Variants in GPC6 observed in about 807,000 individuals in gnomAD.
The protein encoded by GPC6 is glypican 6, also known as glypican-6.
In GPC6, 14 loss-of-function variants were observed where a neutral mutation model predicts 55.2. The ratio of observed to expected loss-of-function variants is 0.25; its 90% CI spans 0.17 to 0.40. GPC6 has a LOEUF of 0.40. Among genes scored for constraint, GPC6 ranks in the 10% least tolerant of loss-of-function variants. GPC6 has a pLI of 1.00. For missense variants in GPC6, 641 were observed against 708.5 expected (o/e 0.90, Z 1.08); for synonymous variants, 278 against 259.6 (o/e 1.07, Z -0.68).
intron 1 of GPC6, among the ~76,000 whole-genome samples, chr13:93,480,818 A>T (rs1443457522): frequency 6.6e-6 from 1 of 152,176 alleles, no homozygotes; most frequent in East Asian, 1.9e-4. Context: ...TTGTGTGAAC[A>T]TGCCACTTTT....
chr13:93,631,301 G>T (rs1230445015), intron 2 of GPC6, among the ~76,000 whole-genome samples: 2 of 152,092 alleles, frequency 1.3e-5, no homozygotes, highest in Non-Finnish European at 2.9e-5. Flanking sequence ...GAACTTCTGT[G>T]GCTCTACCCC....
At chr13:94,204,218 ATACTT>A (rs1480769594) in intron 4 of GPC6, among the ~76,000 whole-genome samples, 1 of 152,166 alleles carries the variant, frequency 6.6e-6, no homozygotes, top group East Asian at 1.9e-4. Flanking sequence ...TAATACATAA[ATACTT>A]TAAGCTGATA....
chr13:93,382,809 GT>G (rs1398306380), intron 1 of GPC6, among the ~76,000 whole-genome samples: 1 of 152,086 alleles, frequency 6.6e-6, no homozygotes. Flanking sequence ...AATCTTTGGG[GT>G]TATCTCATTT....
intron 2 of GPC6, among the ~76,000 whole-genome samples, chr13:93,762,695 TA>T (rs1302946041): frequency 6.6e-6 from 1 of 152,176 alleles, no homozygotes; most frequent in African/African-American, 2.4e-5. Context: ...TTATGCAAAT[TA>T]AAAAATGACC....
At chr13:93,238,029 G>A (rs1410484779) in intron 1 of GPC6, among the ~76,000 whole-genome samples, 2 of 152,062 alleles carry the variant, frequency 1.3e-5, no homozygotes, top group African/African-American at 4.8e-5. Context: ...TTTTTGCTTA[G>A]GATTGCTTTG....
intron 4 of GPC6, among the ~76,000 whole-genome samples, chr13:94,102,014 C>T (rs1364340784): frequency 6.6e-6 from 1 of 151,894 alleles, no homozygotes; most frequent in Non-Finnish European, 1.5e-5. Flanking sequence ...TTAAAATCTA[C>T]TTTTTAAAAA....
chr13:93,241,453 T>C (rs1297379731), intron 1 of GPC6, among the ~76,000 whole-genome samples: 9 of 152,204 alleles, frequency 5.9e-5, no homozygotes, highest in Non-Finnish European at 1.5e-5. Context: ...TCACTGCATT[T>C]TGTAACTCCC....
intron 4 of GPC6, among the ~76,000 whole-genome samples, chr13:94,235,136 G>A (rs1338978601): frequency 1.3e-5 from 2 of 152,048 alleles, no homozygotes; most frequent in Non-Finnish European, 2.9e-5. Flanking sequence ...AAGAAAGACA[G>A]CATGATAAAT....
At chr13:93,829,995 C>T (rs1887421264) in intron 2 of GPC6, among the ~76,000 whole-genome samples, 159 bp from the exon 3 acceptor site, 1 of 151,970 alleles carries the variant, frequency 6.6e-6, no homozygotes, top group Admixed American at 6.6e-5. Flanking sequence ...AGGTCAAATC[C>T]CATTTAAAAT....
chr13:94,332,480 T>C (rs1469093984), intron 6 of GPC6, among the ~76,000 whole-genome samples: 1 of 152,248 alleles, frequency 6.6e-6, no homozygotes, highest in Non-Finnish European at 1.5e-5. Flanking sequence ...TTTATCAAAA[T>C]GGAAAATGCG....
intron 1 of GPC6, among the ~76,000 whole-genome samples, chr13:93,492,129 C>T (rs370839097): frequency 1.4e-5 from 2 of 144,700 alleles, no homozygotes; most frequent in Middle Eastern, 3.5e-3. Context: ...CCATTTTCAC[C>T]ATATTGATTC....
rs143826607 is a variant in GPC6, at chr13:94,389,202, G to A, written c.1289+6652G>A. Among the ~76,000 whole-genome samples, 5 of 152,160 alleles carry A rather than the reference G, an allele frequency of 3.3e-5. No homozygotes were observed. In the East Asian group the frequency reaches 9.6e-4, roughly 29 times the overall value. On this transcript the variant is annotated intron_variant, in intron 7 of 8. Transcript: ENST00000377047. ...ATCGATAATAATCTAGAAGGCCAAA[G>A]GGAAAAAAATTAAAGACTCATGGTG...
chr13:94,256,069 AAC>A (rs1891493517), intron 4 of GPC6, among the ~76,000 whole-genome samples: 2 of 152,318 alleles, frequency 1.3e-5, no homozygotes, highest in Non-Finnish European at 2.9e-5. Flanking sequence ...TGGAAAAAAA[AAC>A]AGTCAGTAAA....
chr13:94,064,308 G>A (rs1203306303), intron 4 of GPC6, among the ~76,000 whole-genome samples: 1 of 152,086 alleles, frequency 6.6e-6, no homozygotes, highest in South Asian at 2.1e-4. Flanking sequence ...AAAATTATGA[G>A]CTTTTTCTTC....
chr13:94,168,748 CTGAAT>C (rs1888457879), intron 4 of GPC6, among the ~76,000 whole-genome samples: 1 of 148,264 alleles, frequency 6.7e-6, no homozygotes, highest in Non-Finnish European at 1.5e-5. Flanking sequence ...TATTTTACAA[CTGAAT>C]TGGAGTAAAG....
intron 3 of GPC6, among the ~76,000 whole-genome samples, chr13:93,974,725 G>A (rs141241571): frequency 6.6e-6 from 1 of 152,050 alleles, no homozygotes; most frequent in Non-Finnish European, 1.5e-5. Context: ...TGAATAAGAT[G>A]CATGGAAATG....
At chr13:93,588,658 G>A (rs1206711754) in intron 2 of GPC6, among the ~76,000 whole-genome samples, 1 of 152,072 alleles carries the variant, frequency 6.6e-6, no homozygotes, top group Non-Finnish European at 1.5e-5. Flanking sequence ...TATAATCATG[G>A]TGGAGCAGGC....
intron 2 of GPC6, among the ~76,000 whole-genome samples, chr13:93,643,784 G>GTGGCATATT (rs1009283269): frequency 1.3e-5 from 2 of 152,036 alleles, no homozygotes; most frequent in African/African-American, 4.8e-5. Context: ...TTATGCCAAA[G>GTGGCATATT]TGGCATATTT....
intron 4 of GPC6, among the ~76,000 whole-genome samples, chr13:94,134,826 T>C (rs1327048031): frequency 6.6e-6 from 1 of 152,176 alleles, no homozygotes; most frequent in African/African-American, 2.4e-5. Flanking sequence ...AGATTTCCTA[T>C]AAAAGTCTAA....
Sources: gnomAD v4.1 joint callset for allele counts (sites outside exome capture counted in the v4.1 genomes callset) on GRCh38, gnomAD v4.1.1 for gene constraint, MANE v1.5 for transcripts, NCBI Gene and HGNC (gene_info 2026-07-23, HGNC 2026-07-21) for gene names.